The following SMG6 variants were observed in gnomAD, a reference collection of about 807,000 sequenced individuals.
SMG6 encodes telomerase-binding protein EST1A.
Under a neutral mutation model 142.2 loss-of-function variants are expected in SMG6, and 66 were observed. The ratio of observed to expected loss-of-function variants is 0.46; its 90% confidence interval spans 0.38 to 0.57. SMG6 has a LOEUF of 0.57. SMG6 is among the 20% of genes least tolerant of loss of function. SMG6 has a pLI of 0.00. For synonymous variants in SMG6, 779 were observed against 702.4 expected (o/e 1.11, Z -1.72); for missense variants, 1,793 against 1,832.0 (o/e 0.98, Z 0.39).
At chr17:2,118,990 T>C (rs1380198976) in intron 13 of SMG6, among the ~76,000 whole-genome samples, 1 of 150,734 alleles carries the variant, frequency 6.6e-6, no homozygotes, top group Non-Finnish European at 1.5e-5. Flanking sequence ...AACCTCCGTC[T>C]CCCGGTTCAA....
chr17:2,099,206 G>A (rs2068940660), intron 13 of SMG6, among the ~76,000 whole-genome samples: 1 of 152,102 alleles, frequency 6.6e-6, no homozygotes, highest in South Asian at 2.1e-4. Flanking sequence ...CCTATACTGT[G>A]TCAATCATGC....
At chr17:2,134,371 T>A (rs2070222076) in intron 13 of SMG6, among the ~76,000 whole-genome samples, 1 of 125,346 alleles carries the variant, frequency 8.0e-6, no homozygotes, top group Non-Finnish European at 1.6e-5. Context: ...TGAGCCGAGA[T>A]CGTGCCTACA....
At chr17:2,067,523 CGAG>C (rs1567569029) in intron 16 of SMG6, among the ~76,000 whole-genome samples, 2 of 152,278 alleles carry the variant, frequency 1.3e-5, no homozygotes, top group African/African-American at 4.8e-5. Flanking sequence ...CCCGCCCCAG[CGAG>C]GAGAAGGGAA....
intron 15 of SMG6, among the ~76,000 whole-genome samples, chr17:2,069,909 CTT>C (rs2151395587): frequency 6.6e-6 from 1 of 152,372 alleles, no homozygotes; most frequent in East Asian, 1.9e-4. Context: ...TTTAAACTGA[CTT>C]TGTCACTTTT....
intron 8 of SMG6, chr17:2,255,705 G>A (rs904257716): frequency 2.6e-4 from 48 of 184,442 alleles, no homozygotes; most frequent in Non-Finnish European, 3.8e-4. Context: ...TCATTGAGAC[G>A]GGCCATGATG....
intron 10 of SMG6, among the ~76,000 whole-genome samples, chr17:2,222,077 C>T (rs1400655358): frequency 2.0e-5 from 3 of 152,156 alleles, no homozygotes; most frequent in African/African-American, 7.2e-5. Context: ...CGCATGTTTA[C>T]TGAGAAGTTA....
chr17:2,186,278 A>G (rs936295897), intron 12 of SMG6, among the ~76,000 whole-genome samples: 1 of 150,404 alleles, frequency 6.6e-6, no homozygotes, highest in Non-Finnish European at 1.5e-5. Flanking sequence ...AAAAAGCAAG[A>G]TGCACAGAAA....
chr17:2,190,484 A>C (rs2151697295), intron 10 of SMG6, among the ~76,000 whole-genome samples: 1 of 152,322 alleles, frequency 6.6e-6, no homozygotes, highest in South Asian at 2.1e-4. Flanking sequence ...TCTTTCACCA[A>C]GCCCAGTTCT....
intron 12 of SMG6, among the ~76,000 whole-genome samples, chr17:2,180,098 T>C (rs986668733): frequency 1.3e-5 from 2 of 152,200 alleles, no homozygotes; most frequent in African/African-American, 4.8e-5. Flanking sequence ...GGGGTCACTA[T>C]GCTCAGGTCC....
intron 13 of SMG6, chr17:2,086,998 T>C (rs911806667): frequency 7.8e-7 from 1 of 1,288,226 alleles, no homozygotes; most frequent in Non-Finnish European, 1.0e-6. Context: ...TCTCTTTTAA[T>C]GCATCCTCGT....
At chr17:2,133,161 C>T (rs899963667) in intron 13 of SMG6, among the ~76,000 whole-genome samples, 25 of 152,056 alleles carry the variant, frequency 1.6e-4, no homozygotes, top group Admixed American at 1.3e-3. Context: ...AGGAGAATCA[C>T]GTGAACCCGG....
intron 10 of SMG6, among the ~76,000 whole-genome samples, chr17:2,229,963 A>G (rs1356383065): frequency 3.3e-5 from 5 of 151,966 alleles, no homozygotes; most frequent in Non-Finnish European, 7.4e-5. Flanking sequence ...AGGTGGGCGG[A>G]TCACTTGAGG....
intron 6 of SMG6, among the ~76,000 whole-genome samples, chr17:2,291,827 T>A: frequency 7.4e-6 from 1 of 134,318 alleles, no homozygotes; most frequent in African/African-American, 2.8e-5. Flanking sequence ...CCAGCCTGGG[T>A]GACAGAGCAA....
intron 4 of SMG6, among the ~76,000 whole-genome samples, chr17:2,295,772 C>G (rs1307705934): frequency 6.6e-6 from 1 of 152,124 alleles, no homozygotes; most frequent in African/African-American, 2.4e-5. Context: ...TTCACTTGTT[C>G]ACTTTCAAGT....
At chr17:2,285,761 C>A (rs1037043906) in intron 6 of SMG6, among the ~76,000 whole-genome samples, 1 of 152,164 alleles carries the variant, frequency 6.6e-6, no homozygotes, top group African/African-American at 2.4e-5. Flanking sequence ...GCAAACTCCA[C>A]CTCCCGGATT....
intron 15 of SMG6, among the ~76,000 whole-genome samples, chr17:2,080,289 G>T (rs1395327304): frequency 1.3e-5 from 2 of 151,836 alleles, no homozygotes; most frequent in East Asian, 3.9e-4. Context: ...ATGGTGGCAG[G>T]CATCTGTAAT....
chr17:2,293,099 G>C (rs2075074671), intron 4 of SMG6, 122 bp from the exon 5 acceptor site: 2 of 698,544 alleles, frequency 2.9e-6, no homozygotes, highest in Non-Finnish European at 5.0e-6. Flanking sequence ...CCTCAACAAA[G>C]TATAAAGTTT....
Position 2,297,344 on chromosome 17 carries a change from A to C in SMG6, c.2050T>G (p.Phe684Val). 1.2e-6 allele frequency: 2 copies of C among 1,609,560 alleles called. No individual in the cohort carries two copies. The highest frequency in any genetic ancestry group is 1.7e-6 in the Non-Finnish European group (2 of 1,178,028). ...AGCTTCTGAAGCAAACTATCAAAGAAGTCACTACCCTATAAAAAGAAAAAA... is the reference window on the plus strand; with the variant it reads ...AGCTTCTGAAGCAAACTATCAAAGACGTCACTACCCTATAAAAAGAAAAAA... Reference protein sequence around the residue: ...LLELLDEGSDFFDSLLQKLQV... With the variant: ...LLELLDEGSDVFDSLLQKLQV... Residue 684 changes from phenylalanine (F) to valine (V), a missense_variant, in exon 4 of 19, where the codon TTC (phenylalanine) becomes GTC (valine). By Grantham distance (50) the Phe-to-Val change is conservative. Around this residue, in one of 3 missense-constraint regions of SMG6, gnomAD observed 1,597 missense variants for 1,584.6 expected, o/e 1.01. Coordinates refer to ENST00000263073, the MANE Select transcript of SMG6 (RefSeq NM_017575.5).
At chr17:2,199,311 T>C (rs879320350) in intron 10 of SMG6, among the ~76,000 whole-genome samples, 3 of 152,142 alleles carry the variant, frequency 2.0e-5, no homozygotes, top group African/African-American at 4.8e-5. Context: ...TGGTGTTGCT[T>C]TGGATTATCA....
Sources: allele counts gnomAD v4.1 joint callset (sites outside exome capture counted in the v4.1 genomes callset), GRCh38; gene constraint gnomAD v4.1.1; regional missense constraint gnomAD v4.1.1; transcripts MANE v1.5; gene names NCBI Gene and HGNC (gene_info 2026-07-23, HGNC 2026-07-21).